The following OSBPL8 variants were observed in gnomAD, a reference collection of about 807,000 sequenced individuals.
OSBPL8 encodes oxysterol-binding protein-related protein 8.
OSBPL8 carries 59 observed loss-of-function variants against 125.5 expected under a neutral mutation model. That is an observed-to-expected ratio of 0.47 (90% confidence interval 0.38 to 0.58). The LOEUF (loss-of-function observed/expected upper bound fraction) is 0.58. OSBPL8 is among the 20% of genes least tolerant of loss of function. OSBPL8 has a pLI of 0.00. For missense variants in OSBPL8, 758 were observed against 1,047.8 expected (o/e 0.72, Z 3.82); for synonymous variants, 330 against 338.9 (o/e 0.97, Z 0.29).
At chr12:76,550,886 T>G (rs1024855980) in intron 1 of OSBPL8, among the ~76,000 whole-genome samples, 1 of 152,078 alleles carries the variant, frequency 6.6e-6, no homozygotes, top group Non-Finnish European at 1.5e-5. Flanking sequence ...ATTCAGCCTA[T>G]GCAAAATAGC....
At position 76,506,596 on chromosome 12, in the gene OSBPL8, A is replaced by G. The variant is rs1880440335; in HGVS notation, c.-67-18978T>C. Reference sequence around the variant, plus strand: ...ATCTATGTAAAAAGAGATTTACTCTATATGAAAAACAAGACATACACAAAA... The same window carrying G: ...ATCTATGTAAAAAGAGATTTACTCTGTATGAAAAACAAGACATACACAAAA... On this transcript the variant is annotated intron_variant, in intron 1 of 23. Coordinates refer to ENST00000261183, the MANE Select transcript of OSBPL8 (RefSeq NM_020841.5). Among the ~76,000 whole-genome samples, 2 of 152,374 alleles carry G rather than the reference A, an allele frequency of 1.3e-5. 1 individual carries two copies. Among genetic ancestry groups the G allele is most frequent in the South Asian group, 4.1e-4 (2 of 4,834 alleles).
intron 21 of OSBPL8, among the ~76,000 whole-genome samples, chr12:76,359,805 GA>G (rs1433134977): frequency 3.3e-5 from 5 of 152,124 alleles, no homozygotes; most frequent in Non-Finnish European, 7.3e-5. Context: ...CAATATGGGG[GA>G]AACTGCCCCT....
At chr12:76,486,744 G>T (rs1304410053) in intron 2 of OSBPL8, among the ~76,000 whole-genome samples, 1 of 152,104 alleles carries the variant, frequency 6.6e-6, no homozygotes, top group East Asian at 1.9e-4. Context: ...TTTATAAAAA[G>T]AATATATGTG....
chr12:76,458,401 A>G (rs1325877259), intron 3 of OSBPL8, among the ~76,000 whole-genome samples: 1 of 152,128 alleles, frequency 6.6e-6, no homozygotes, highest in Non-Finnish European at 1.5e-5. Context: ...TTTAAGAATG[A>G]AAAAAGGGCT....
chr12:76,475,240 C>A (rs1252316665), intron 2 of OSBPL8, among the ~76,000 whole-genome samples: 1 of 149,158 alleles, frequency 6.7e-6, no homozygotes, highest in African/African-American at 2.4e-5. Context: ...ATGAGAAGCT[C>A]TGGCATGTCT....
chr12:76,542,838 C>T (rs1455368839), intron 1 of OSBPL8, among the ~76,000 whole-genome samples: 2 of 152,146 alleles, frequency 1.3e-5, no homozygotes, highest in African/African-American at 4.8e-5. Flanking sequence ...TCCCTACCTC[C>T]TATACCACAA....
At chr12:76,395,111 T>C (rs1470471377) in intron 8 of OSBPL8, among the ~76,000 whole-genome samples, 1 of 152,084 alleles carries the variant, frequency 6.6e-6, no homozygotes, top group African/African-American at 2.4e-5. Context: ...GGAAATAGAA[T>C]TATAATTTAA....
chr12:76,472,238 T>C (rs1592742267), intron 2 of OSBPL8, among the ~76,000 whole-genome samples: 1 of 152,230 alleles, frequency 6.6e-6, no homozygotes, highest in East Asian at 1.9e-4. Context: ...ATTTTTAAGA[T>C]TCTACATGTT....
At chr12:76,413,270 A>T (rs35295266) in intron 4 of OSBPL8, among the ~76,000 whole-genome samples, 21,792 of 152,142 alleles carry the variant, frequency 0.14, 2,057 homozygotes, top group Non-Finnish European at 0.22. Flanking sequence ...CTTAATCACA[A>T]TCCACCCTTT....
intron 1 of OSBPL8, among the ~76,000 whole-genome samples, chr12:76,495,507 T>C (rs1879181275): frequency 6.6e-6 from 1 of 152,240 alleles, no homozygotes; most frequent in Non-Finnish European, 1.5e-5. Flanking sequence ...TACTGAAGTC[T>C]GCTGCTGCCA....
At chr12:76,504,280 G>C (rs905378473) in intron 1 of OSBPL8, among the ~76,000 whole-genome samples, 2 of 151,946 alleles carry the variant, frequency 1.3e-5, no homozygotes, top group Non-Finnish European at 2.9e-5. Flanking sequence ...TGTTTTTCTA[G>C]AGTACCCTGA....
At chr12:76,381,585 A>T (rs1001708306) in intron 15 of OSBPL8, among the ~76,000 whole-genome samples, 9 of 152,106 alleles carry the variant, frequency 5.9e-5, no homozygotes. Flanking sequence ...TGACGTACTG[A>T]ACCTTTTTAT....
chr12:76,492,578 C>T (rs540470309), intron 1 of OSBPL8, among the ~76,000 whole-genome samples: 13 of 152,220 alleles, frequency 8.5e-5, no homozygotes, highest in Non-Finnish European at 1.3e-4. Context: ...ACCTGAGCTC[C>T]GCCTGTCAGA....
chr12:76,447,568 A>C (rs1326394707), intron 4 of OSBPL8, among the ~76,000 whole-genome samples: 1 of 151,708 alleles, frequency 6.6e-6, no homozygotes, highest in Non-Finnish European at 1.5e-5. Flanking sequence ...CCTGAGATGG[A>C]GTTTCACTCT....
intron 1 of OSBPL8, among the ~76,000 whole-genome samples, chr12:76,490,359 T>G (rs1205549633): frequency 6.6e-6 from 1 of 152,186 alleles, no homozygotes; most frequent in Non-Finnish European, 1.5e-5. Context: ...AAACCACCCA[T>G]GGACCTGTCC....
At chr12:76,546,036 C>T (rs777952936) in intron 1 of OSBPL8, among the ~76,000 whole-genome samples, 5 of 152,074 alleles carry the variant, frequency 3.3e-5, no homozygotes, top group Non-Finnish European at 5.9e-5. Flanking sequence ...ATGTTAAAAC[C>T]ACACATGTCG....
At chr12:76,390,700 A>G in intron 10 of OSBPL8, 43 bp from the exon 11 acceptor site, 1 of 1,139,566 alleles carries the variant, frequency 8.8e-7, no homozygotes, top group Non-Finnish European at 1.3e-6. Flanking sequence ...AAGGATGTTA[A>G]GAATGCTCAA....
chr12:76,435,180 G>GTGTA (rs1298067042), intron 4 of OSBPL8, among the ~76,000 whole-genome samples: 1 of 151,582 alleles, frequency 6.6e-6, no homozygotes, highest in Non-Finnish European at 1.5e-5. Context: ...GTGTGTGTGT[G>GTGTA]TGTGTGCATA....
At position 76,552,428 on chromosome 12, in the gene OSBPL8, CAAAAAAAAAAAAAAAAA is replaced by C. The variant is rs55942644; in HGVS notation, c.-68+6952_-68+6968del. 4.9e-4 allele frequency among the ~76,000 whole-genome samples: 27 copies of C among 54,900 alleles called. No homozygotes were observed. The Admixed American group carries it at 5.6e-3, about 11-fold the overall frequency. 36.0% of individuals were successfully genotyped at this position (54,900 alleles called of 152,430 possible). A position where few individuals can be genotyped will look rare whatever the true frequency, so the allele number is the denominator to read the frequency against. ...GCAACAGAGCGATACCCCATGTCTCCAAAAAAAAAAAAAAAAAAAAAAAAAAAATGTTGCAAGCAAGA... is the reference window on the plus strand; with the variant it reads ...GCAACAGAGCGATACCCCATGTCTCCAAAAAAAAAAATGTTGCAAGCAAGA... On this transcript the variant is annotated intron_variant, in intron 1 of 23. Transcript: ENST00000261183.
Sources: allele counts gnomAD v4.1 joint callset (sites outside exome capture counted in the v4.1 genomes callset), GRCh38; gene constraint gnomAD v4.1.1; transcripts MANE v1.5; gene names NCBI Gene and HGNC (gene_info 2026-07-23, HGNC 2026-07-21).